Variants in LARP1B observed in about 807,000 individuals in gnomAD.
The protein encoded by LARP1B is la-related protein 1B.
In LARP1B, 76 loss-of-function variants were observed where a neutral mutation model predicts 114.2. The ratio of observed to expected loss-of-function variants is 0.67; its 90% CI spans 0.55 to 0.81. The LOEUF (loss-of-function observed/expected upper bound fraction) is 0.81, where lower values mean the gene tolerates loss of function less well. Ranked by LOEUF, LARP1B falls within the 30% of genes least tolerant of loss-of-function variation. The pLI is 0.00. For synonymous variants in LARP1B, 345 were observed against 348.0 expected (o/e 0.99, Z 0.10); for missense variants, 1,014 against 1,075.8 (o/e 0.94, Z 0.80).
At chr4:128,203,497 G>A (rs377407688) in intron 17 of LARP1B, among the ~76,000 whole-genome samples, 3 of 151,582 alleles carry the variant, frequency 2.0e-5, no homozygotes, top group East Asian at 1.9e-4. Flanking sequence ...CCTCAGCCTC[G>A]TAAGTAGCTG....
chr4:128,091,311 A>T, intron 6 of LARP1B, 36 bp from the exon 7 acceptor site: 1 of 1,566,450 alleles, frequency 6.4e-7, no homozygotes, highest in Non-Finnish European at 8.7e-7. Flanking sequence ...TTTTTCTAAT[A>T]TGTGATTACC....
At chr4:128,062,139 C>T (rs1760384653) in intron 1 of LARP1B, 4 of 985,276 alleles carry the variant, frequency 4.1e-6, no homozygotes, top group African/African-American at 3.5e-5. Context: ...AAGGGAAATC[C>T]CTGGACCAAA....
intron 8 of LARP1B, 92 bp downstream of exon 8, chr4:128,098,422 C>A: frequency 9.4e-7 from 1 of 1,061,270 alleles, no homozygotes. Flanking sequence ...TAAAAACAGA[C>A]AATCTGTAGT....
intron 11 of LARP1B, among the ~76,000 whole-genome samples, chr4:128,133,452 C>T (rs972122023): frequency 1.3e-5 from 2 of 152,198 alleles, no homozygotes; most frequent in Non-Finnish European, 2.9e-5. Context: ...AGCTTCAGTG[C>T]AATGCCTATG....
intron 5 of LARP1B, among the ~76,000 whole-genome samples, chr4:128,084,456 C>G (rs1166202175): frequency 6.6e-6 from 1 of 152,226 alleles, no homozygotes; most frequent in African/African-American, 2.4e-5. Flanking sequence ...AACCCCGTCT[C>G]CACCAAAAAA....
chr4:128,184,470 C>G (rs550957761), intron 15 of LARP1B, among the ~76,000 whole-genome samples: 4 of 152,176 alleles, frequency 2.6e-5, no homozygotes, highest in African/African-American at 9.6e-5. Flanking sequence ...TTTGGGGGTG[C>G]ATGTGATATT....
rs964186375 is a variant in LARP1B, at chr4:128,061,868, G to C, written c.-78+467G>C. On this transcript the variant is annotated intron_variant, in intron 1 of 19. Coordinates refer to ENST00000326639, the MANE Select transcript of LARP1B (RefSeq NM_018078.4). ...GGAGAGGGCCGCGGCCGCCACTAGC[G>C]CTGGGGCGCGGGGAGAGCCGTCGCC... 3.0e-6 allele frequency: 3 copies of C among 985,112 alleles called. No homozygotes were observed. In the African/African-American group the frequency reaches 5.2e-5, roughly 17 times the overall value. 61.0% of individuals were successfully genotyped at this position (985,112 alleles called of 1,614,324 possible).
chr4:128,120,513 A>G (rs906035824), intron 10 of LARP1B, among the ~76,000 whole-genome samples: 18 of 151,290 alleles, frequency 1.2e-4, no homozygotes, highest in African/African-American at 4.4e-4. Context: ...CAGTGGCACA[A>G]TCTCAGCTCA....
At chr4:128,063,730 G>T (rs532088984) in intron 1 of LARP1B, among the ~76,000 whole-genome samples, 149 of 151,984 alleles carry the variant, frequency 9.8e-4, no homozygotes, top group South Asian at 3.3e-3. Flanking sequence ...AGTGAGCCGA[G>T]ATCGCGCCAC....
At chr4:128,081,657 C>T (rs1770508661) in intron 4 of LARP1B, among the ~76,000 whole-genome samples, 1 of 152,006 alleles carries the variant, frequency 6.6e-6, no homozygotes, top group South Asian at 2.1e-4. Flanking sequence ...AAGGTTTTTT[C>T]CTAGTGTCTA....
chr4:128,066,715 T>G (rs1425127998), intron 1 of LARP1B, among the ~76,000 whole-genome samples: 2 of 151,728 alleles, frequency 1.3e-5, no homozygotes, highest in African/African-American at 4.8e-5. Context: ...TGACCTCAGG[T>G]GATCCTCCCA....
chr4:128,109,712 C>CTT (rs1001391323), intron 9 of LARP1B, among the ~76,000 whole-genome samples: 1 of 146,464 alleles, frequency 6.8e-6, no homozygotes, highest in East Asian at 2.0e-4. Context: ...TCTTTCTTTT[C>CTT]TTTTTTTTTT....
chr4:128,203,804 G>A (rs1348397708), intron 17 of LARP1B, among the ~76,000 whole-genome samples: 4 of 152,234 alleles, frequency 2.6e-5, no homozygotes, highest in Admixed American at 2.6e-4. Context: ...CTCTGGTCTA[G>A]AGGGTTTACA....
intron 8 of LARP1B, among the ~76,000 whole-genome samples, chr4:128,101,459 C>G (rs1473452540): frequency 1.3e-5 from 2 of 151,134 alleles, no homozygotes; most frequent in Non-Finnish European, 2.9e-5. Context: ...ATTAATGATT[C>G]TTGGTTTCAT....
chr4:128,177,769 C>T (rs996908789), intron 13 of LARP1B, among the ~76,000 whole-genome samples: 1 of 152,026 alleles, frequency 6.6e-6, no homozygotes, highest in African/African-American at 2.4e-5. Context: ...TGTCAGTAGT[C>T]ATTAAGTTAG....
chr4:128,166,275 A>G (rs1265991473), intron 12 of LARP1B, among the ~76,000 whole-genome samples: 1 of 151,802 alleles, frequency 6.6e-6, no homozygotes, highest in Non-Finnish European at 1.5e-5. Flanking sequence ...TATCTTATTT[A>G]TTGGAAAGTT....
intron 15 of LARP1B, among the ~76,000 whole-genome samples, chr4:128,188,850 C>T (rs756039912): frequency 6.7e-4 from 102 of 152,138 alleles, no homozygotes; most frequent in Middle Eastern, 6.8e-3. Context: ...CTGTTGTAGC[C>T]AGAAAAGATA....
intron 11 of LARP1B, among the ~76,000 whole-genome samples, chr4:128,158,747 T>C (rs1736982053): frequency 6.6e-6 from 1 of 152,196 alleles, no homozygotes; most frequent in Non-Finnish European, 1.5e-5. Context: ...AAAAGCTTTT[T>C]CTGAATATTT....
intron 11 of LARP1B, chr4:128,122,879 A>G (rs1489044693): frequency 4.0e-6 from 4 of 1,006,098 alleles, no homozygotes; most frequent in African/African-American, 3.4e-5. Context: ...CATTCCTTCA[A>G]TATGAATTAT....
Sources: allele counts gnomAD v4.1 joint callset (sites outside exome capture counted in the v4.1 genomes callset), GRCh38; gene constraint gnomAD v4.1.1; transcripts MANE v1.5; gene names NCBI Gene and HGNC (gene_info 2026-07-23, HGNC 2026-07-21).